Variants in PDE10A observed in about 807,000 individuals in gnomAD.
PDE10A encodes phosphodiesterase 10A, also known as cAMP and cAMP-inhibited cGMP 3',5'-cyclic phosphodiesterase 10A.
PDE10A carries 39 observed loss-of-function variants against 97.7 expected under a neutral mutation model. That is an observed-to-expected ratio of 0.40 (90% CI 0.31 to 0.52). The LOEUF (loss-of-function observed/expected upper bound fraction) is 0.52, where lower values mean the gene tolerates loss of function less well. PDE10A is among the 20% of genes least tolerant of loss of function. The pLI is 0.56. For missense variants in PDE10A, 731 were observed against 1,047.8 expected (o/e 0.70, Z 4.17); for synonymous variants, 371 against 376.8 (o/e 0.98, Z 0.18).
intron 1 of PDE10A, among the ~76,000 whole-genome samples, chr6:165,918,085 T>C (rs779180102): frequency 4.6e-5 from 7 of 152,224 alleles, no homozygotes; most frequent in Non-Finnish European, 8.8e-5. Context: ...GAGAGTAAAT[T>C]TGATATCTCA....
chr6:165,363,136 T>C (rs566931572), intron 18 of PDE10A, among the ~76,000 whole-genome samples: 1 of 152,206 alleles, frequency 6.6e-6, no homozygotes, highest in Non-Finnish European at 1.5e-5. Context: ...AAAGACTAGA[T>C]GCTTTCCCCC....
intron 1 of PDE10A, among the ~76,000 whole-genome samples, chr6:165,682,797 G>C (rs1051022900): frequency 6.6e-6 from 1 of 152,192 alleles, no homozygotes; most frequent in Non-Finnish European, 1.5e-5. Context: ...ACCATCAACA[G>C]GGAACGTGAA....
intron 1 of PDE10A, among the ~76,000 whole-genome samples, chr6:165,722,265 C>T (rs984714077): frequency 2.0e-5 from 3 of 152,200 alleles, no homozygotes; most frequent in Non-Finnish European, 2.9e-5. Context: ...GCACAGAAGG[C>T]AGCCTCCTTT....
rs1475767796 is a variant in PDE10A at position 165,749,374 on chromosome 6, TCAC to T, written c.-614-205809_-614-205807del. Among the ~76,000 whole-genome samples the T allele has an allele frequency of 1.6e-4, 16 of 100,106 alleles. No individual in the cohort carries two copies. In the East Asian group the frequency reaches 3.2e-3, roughly 20 times the overall value. 65.7% of individuals were successfully genotyped at this position (100,106 alleles called of 152,430 possible). The stretch of plus-strand genomic sequence containing the variant: ...ATTATCACCATCACCATCATCACCA[TCAC>T]CACCACCATCATCACCATTACCATC... On this transcript the variant is annotated intron_variant, in intron 1 of 19. Transcript: ENST00000366882.
rs1781423092 is a variant in PDE10A, at chr6:165,332,938, C to T, written c.*87G>A. On this transcript the variant is annotated 3_prime_UTR_variant, in exon 22 of 22. Transcript: ENST00000539869. Reference sequence around the variant, plus strand: ...ACCCCAGTTACCAGGTGCAGGTTCCCCCCACCCCCCCCAAAAAAAGGAAAA... The same window carrying T: ...ACCCCAGTTACCAGGTGCAGGTTCCTCCCACCCCCCCCAAAAAAAGGAAAA... The T allele has an allele frequency of 8.3e-6, 5 of 605,824 alleles. No individual in the cohort carries two copies. The highest frequency in any genetic ancestry group is 4.3e-5 in the East Asian group (1 of 23,248). 37.5% of individuals were successfully genotyped at this position (605,824 alleles called of 1,614,324 possible).
At chr6:165,817,706 G>T (rs2128468501) in intron 1 of PDE10A, among the ~76,000 whole-genome samples, 1 of 152,258 alleles carries the variant, frequency 6.6e-6, no homozygotes, top group Non-Finnish European at 1.5e-5. Flanking sequence ...GGGAAACCCT[G>T]CCTTTGGAAA....
At position 165,332,942 on chromosome 6, in the gene PDE10A, A is replaced by AC. The variant is rs796169595; in HGVS notation, c.*82dup. 287 of 386,618 alleles carry AC rather than the reference A, an allele frequency of 7.4e-4. No homozygotes were observed. Among genetic ancestry groups the AC allele is most frequent in the African/African-American group, 1.4e-3 (55 of 40,322 alleles). The allele number at this position is 386,618 out of a possible 1,614,324, so 23.9% of individuals were successfully genotyped here. A position where few individuals can be genotyped will look rare whatever the true frequency, so the allele number is the denominator to read the frequency against. On this transcript the variant is annotated 3_prime_UTR_variant, in exon 22 of 22. Coordinates refer to ENST00000539869, the MANE Select transcript of PDE10A (RefSeq NM_001385079.1). ...CAGTTACCAGGTGCAGGTTCCCCCC[A>AC]CCCCCCCCAAAAAAAGGAAAAGAAT...
chr6:165,900,132 T>A (rs1169917569), intron 1 of PDE10A, among the ~76,000 whole-genome samples: 1 of 152,180 alleles, frequency 6.6e-6, no homozygotes, highest in Non-Finnish European at 1.5e-5. Flanking sequence ...ATGTGCTCTC[T>A]GTCCTAGAGA....
intron 1 of PDE10A, among the ~76,000 whole-genome samples, chr6:165,961,576 C>A (rs980225627): frequency 6.6e-6 from 1 of 152,216 alleles, no homozygotes; most frequent in Non-Finnish European, 1.5e-5. Flanking sequence ...CTCCACTTAC[C>A]CCTTGTTTGG....
At chr6:165,534,660 AAT>A (rs1471114046) in intron 2 of PDE10A, among the ~76,000 whole-genome samples, 19 of 152,106 alleles carry the variant, frequency 1.2e-4, no homozygotes, top group African/African-American at 2.9e-4. Flanking sequence ...CAAATCAATA[AAT>A]ATGATATATC....
At chr6:165,896,882 C>T (rs554370295) in intron 1 of PDE10A, among the ~76,000 whole-genome samples, 5 of 152,072 alleles carry the variant, frequency 3.3e-5, no homozygotes, top group African/African-American at 9.6e-5. Flanking sequence ...GTCGGTCAGG[C>T]TGGTCGTGAA....
intron 1 of PDE10A, among the ~76,000 whole-genome samples, chr6:165,745,551 C>T (rs1339479409): frequency 1.3e-5 from 2 of 152,168 alleles, no homozygotes; most frequent in Non-Finnish European, 2.9e-5. Context: ...GATTAGAAAA[C>T]TCATTTCATT....
At chr6:165,986,237 G>C (rs1386250803) in intron 1 of PDE10A, 1 of 153,386 alleles carries the variant, frequency 6.5e-6, no homozygotes, top group Non-Finnish European at 1.5e-5. Flanking sequence ...TGGGGATTTG[G>C]GGGTTTTCTT....
chr6:165,977,700 G>A (rs980623419), intron 1 of PDE10A, among the ~76,000 whole-genome samples: 3 of 152,084 alleles, frequency 2.0e-5, no homozygotes, highest in African/African-American at 7.2e-5. Flanking sequence ...GACTAATAAA[G>A]AACATTAAAC....
chr6:165,440,497 G>A (rs1024576249), intron 5 of PDE10A, among the ~76,000 whole-genome samples: 1 of 152,146 alleles, frequency 6.6e-6, no homozygotes, highest in Non-Finnish European at 1.5e-5. Flanking sequence ...TTGTATTACG[G>A]TGGAAAGAGC....
intron 1 of PDE10A, among the ~76,000 whole-genome samples, chr6:165,606,205 AG>A (rs1329040377): frequency 6.6e-6 from 1 of 151,852 alleles, no homozygotes; most frequent in Non-Finnish European, 1.5e-5. Flanking sequence ...TCTAGGGCAC[AG>A]TAAGTTCTCA....
At chr6:165,439,740 T>C (rs1039040969) in intron 5 of PDE10A, among the ~76,000 whole-genome samples, 2 of 152,234 alleles carry the variant, frequency 1.3e-5, no homozygotes, top group African/African-American at 2.4e-5. Flanking sequence ...GCACAAGTCA[T>C]AATCAATAGG....
chr6:165,709,173 C>T (rs1791815920), intron 1 of PDE10A, among the ~76,000 whole-genome samples: 1 of 140,264 alleles, frequency 7.1e-6, no homozygotes. Context: ...TGCTCCTGCA[C>T]TCTCCCCACC....
chr6:165,658,266 G>C (rs181865338), intron 1 of PDE10A, among the ~76,000 whole-genome samples: 296 of 152,320 alleles, frequency 1.9e-3, no homozygotes, highest in African/African-American at 6.7e-3. Context: ...TTACTGATGA[G>C]TGTGGAGCAC....
Sources: gnomAD v4.1 joint callset for allele counts (sites outside exome capture counted in the v4.1 genomes callset) on GRCh38, gnomAD v4.1.1 for gene constraint, MANE v1.5 for transcripts, NCBI Gene and HGNC (gene_info 2026-07-23, HGNC 2026-07-21) for gene names.